Variants in PPARGC1A observed in about 807,000 individuals in gnomAD.
PPARGC1A encodes peroxisome proliferator-activated receptor gamma coactivator 1-alpha.
Under a neutral mutation model 88.7 loss-of-function variants are expected in PPARGC1A, and 25 were observed. The ratio of observed to expected loss-of-function variants is 0.28; its 90% CI spans 0.21 to 0.39. The LOEUF (loss-of-function observed/expected upper bound fraction) is 0.39. Among genes scored for constraint, PPARGC1A ranks in the 10% least tolerant of loss-of-function variants. The pLI is 1.00. For missense variants in PPARGC1A, 880 were observed against 968.7 expected (o/e 0.91, Z 1.22); for synonymous variants, 363 against 355.6 (o/e 1.02, Z -0.24).
At chr4:24,339,225 T>TACACACAC in the PPARGC1A span, among the ~76,000 whole-genome samples, 48 of 80,430 alleles carry the variant, frequency 6.0e-4, no homozygotes, top group African/African-American at 1.7e-3. Context: ...TATATATATA[T>TACACACAC]ATATATATAT....
At chr4:24,241,201 C>T in the PPARGC1A span, among the ~76,000 whole-genome samples, 76,635 of 151,988 alleles carry the variant, frequency 0.5, 19,589 homozygotes, top group Admixed American at 0.55. Context: ...TTGTGGATCA[C>T]TCTTTTACAA....
the PPARGC1A span, among the ~76,000 whole-genome samples, chr4:24,347,155 A>C: frequency 6.6e-6 from 1 of 152,126 alleles, no homozygotes; most frequent in African/African-American, 2.4e-5. Context: ...AATTTTCTTA[A>C]ATTTACTGAG....
chr4:23,833,508 T>C (rs1213463465), intron 2 of PPARGC1A, among the ~76,000 whole-genome samples: 1 of 152,222 alleles, frequency 6.6e-6, no homozygotes, highest in Admixed American at 6.5e-5. Context: ...TGACATCTAA[T>C]GAAGCTAGCA....
At chr4:24,213,025 C>T in the PPARGC1A span, among the ~76,000 whole-genome samples, 26 of 152,078 alleles carry the variant, frequency 1.7e-4, no homozygotes, top group Admixed American at 5.2e-4. Flanking sequence ...TGGACACCTG[C>T]CAGCCTGACC....
chr4:24,024,682 G>A, the PPARGC1A span, among the ~76,000 whole-genome samples: 6 of 152,164 alleles, frequency 3.9e-5, no homozygotes, highest in African/African-American at 4.8e-5. Context: ...AGTATCTAAT[G>A]GCAATTTAAA....
the PPARGC1A span, among the ~76,000 whole-genome samples, chr4:24,136,018 T>G: frequency 6.6e-6 from 1 of 152,162 alleles, no homozygotes; most frequent in Non-Finnish European, 1.5e-5. Flanking sequence ...TCCCTGACGC[T>G]ATTTCTGCTT....
the PPARGC1A span, among the ~76,000 whole-genome samples, chr4:24,276,435 A>G: frequency 2.6e-5 from 4 of 152,176 alleles, no homozygotes; most frequent in Non-Finnish European, 4.4e-5. Context: ...ACAAGGTCTC[A>G]GACATCGAGG....
chr4:24,060,089 CAG>C, the PPARGC1A span, among the ~76,000 whole-genome samples: 1 of 152,164 alleles, frequency 6.6e-6, no homozygotes, highest in East Asian at 1.9e-4. Context: ...CTATTTTTCA[CAG>C]ACTCTTGAGC....
the PPARGC1A span, among the ~76,000 whole-genome samples, chr4:24,195,173 T>C: frequency 5.3e-5 from 8 of 152,346 alleles, no homozygotes; most frequent in African/African-American, 1.9e-4. Flanking sequence ...CTGCTTTAGG[T>C]AAATCAAATC....
chr4:23,795,913 T>C lies in PPARGC1A; in HGVS notation c.2306A>G (p.Asp769Gly). 1 of 1,610,578 alleles carries C rather than the reference T, an allele frequency of 6.2e-7. No homozygotes were observed. The change falls in exon 13 of 13, where the codon GAT (aspartate) becomes GGT (glycine). Residue 769 changes from aspartate (D) to glycine (G), a missense_variant. Transcript: ENST00000264867. ...CTTGGTGGAAGCAGGGTCAAAGTCA[T>C]CTGAGTTTGAATCTGAAAAAAAACA... Reference protein sequence around the residue: ...SNYADLDSNSDDFDPASTKSK... With the variant: ...SNYADLDSNSGDFDPASTKSK...
chr4:24,168,147 A>C, the PPARGC1A span, among the ~76,000 whole-genome samples: 1 of 152,232 alleles, frequency 6.6e-6, no homozygotes, highest in Non-Finnish European at 1.5e-5. Flanking sequence ...AATAACTTTT[A>C]TATGCACTAA....
chr4:24,096,412 A>G, the PPARGC1A span, among the ~76,000 whole-genome samples: 3 of 152,238 alleles, frequency 2.0e-5, no homozygotes, highest in Non-Finnish European at 2.9e-5. Context: ...CAACTCGGTC[A>G]ACAAACCATG....
chr4:23,971,940 A>T, the PPARGC1A span, among the ~76,000 whole-genome samples: 1 of 151,446 alleles, frequency 6.6e-6, no homozygotes, highest in Non-Finnish European at 1.5e-5. Flanking sequence ...ATATACATAT[A>T]TTTTTTTTTC....
At chr4:23,983,652 A>C in the PPARGC1A span, among the ~76,000 whole-genome samples, 1 of 152,162 alleles carries the variant, frequency 6.6e-6, no homozygotes, top group African/African-American at 2.4e-5. Context: ...TGCCTTATGC[A>C]TAGAAATATT....
At chr4:23,911,256 T>C in the PPARGC1A span, among the ~76,000 whole-genome samples, 1 of 152,196 alleles carries the variant, frequency 6.6e-6, no homozygotes, top group African/African-American at 2.4e-5. Flanking sequence ...GTCCCTAGCA[T>C]AGCACTGGGC....
chr4:24,467,092 G>A, the PPARGC1A span, among the ~76,000 whole-genome samples: 3 of 131,194 alleles, frequency 2.3e-5, no homozygotes, highest in African/African-American at 8.5e-5. Context: ...GAGAGAGAGA[G>A]AGAGAGAGAA....
At chr4:24,297,421 C>T in the PPARGC1A span, among the ~76,000 whole-genome samples, 2 of 152,132 alleles carry the variant, frequency 1.3e-5, no homozygotes, top group Non-Finnish European at 2.9e-5. Context: ...TTTATGCCCA[C>T]GAATTCGCAC....
At chr4:24,395,548 T>G in the PPARGC1A span, among the ~76,000 whole-genome samples, 1 of 152,216 alleles carries the variant, frequency 6.6e-6, no homozygotes, top group Non-Finnish European at 1.5e-5. Context: ...TTAATAAGTC[T>G]GTAAATGTGA....
the PPARGC1A span, among the ~76,000 whole-genome samples, chr4:24,065,895 G>A: frequency 6.6e-6 from 1 of 152,132 alleles, no homozygotes; most frequent in Non-Finnish European, 1.5e-5. Flanking sequence ...GCAATGGAAG[G>A]AAATTAGGCC....
Sources: allele counts gnomAD v4.1 joint callset (sites outside exome capture counted in the v4.1 genomes callset), GRCh38; gene constraint gnomAD v4.1.1; transcripts MANE v1.5; gene names NCBI Gene and HGNC (gene_info 2026-07-23, HGNC 2026-07-21).